The following DMD variants were observed in gnomAD, a reference collection of about 807,000 sequenced individuals.
DMD encodes dystrophin.
Under a neutral mutation model 330.1 loss-of-function variants are expected in DMD, and 63 were observed. That is an observed-to-expected ratio of 0.19 (90% CI 0.16 to 0.24). The LOEUF is 0.24. Among genes scored for constraint, DMD ranks in the 10% least tolerant of loss-of-function variants. The pLI is 1.00. For synonymous variants in DMD, 1,223 were observed against 959.8 expected, an observed-to-expected ratio of 1.27 and a Z score of -5.07; for missense variants, 3,344 against 2,684.1, an observed-to-expected ratio of 1.25 and a Z score of -5.43.
chrX:31,779,417 G>C (rs1206077454), intron 50 of DMD, among the ~76,000 whole-genome samples: 1 of 111,586 alleles, frequency 9.0e-6, no homozygotes, highest in Non-Finnish European at 1.9e-5. Context: ...GCTGGCTCTG[G>C]TATTAGCTGG....
At chrX:33,255,593 G>T (rs765603871) in intron 1 of DMD, among the ~76,000 whole-genome samples, 1 of 110,682 alleles carries the variant, frequency 9.0e-6, no homozygotes, top group African/African-American at 3.2e-5. Flanking sequence ...CAGGATATAT[G>T]TATGATTTTG....
rs2032524567 is a variant in DMD at position 31,121,456 on chromosome X, G to GTGTGTT, written c.*462_*463insAACACA. 1 of 163,523 alleles carries GTGTGTT rather than the reference G, an allele frequency of 6.1e-6. No homozygotes were observed. Among genetic ancestry groups the GTGTGTT allele is most frequent in the African/African-American group, 3.2e-5 (1 of 30,870 alleles). The allele number at this position is 163,523 out of a possible 1,213,427, so 13.5% of individuals were successfully genotyped here. A position where few individuals can be genotyped will look rare whatever the true frequency, so the allele number is the denominator to read the frequency against. ...TGTGTGTGTGTATGTGTGTGTGTGT[G>GTGTGTT]TGTTTGTTTTGTTTTTAGGGGTTTT... On this transcript the variant is annotated 3_prime_UTR_variant, in exon 79 of 79. Transcript: ENST00000357033.
intron 61 of DMD, among the ~76,000 whole-genome samples, chrX:31,332,878 A>G (rs1482767768): frequency 8.9e-6 from 1 of 112,083 alleles, no homozygotes; most frequent in Non-Finnish European, 1.9e-5. Flanking sequence ...AGTTATCAGG[A>G]TATTTATCTC....
At chrX:33,285,321 G>GTC (rs2053416049) in intron 1 of DMD, among the ~76,000 whole-genome samples, 1 of 111,351 alleles carries the variant, frequency 9.0e-6, no homozygotes, top group South Asian at 3.7e-4. Context: ...GTGTGTGTGT[G>GTC]TGTGTGTGTT....
At chrX:31,455,636 T>C (rs1038057387) in intron 59 of DMD, among the ~76,000 whole-genome samples, 6 of 112,407 alleles carry the variant, frequency 5.3e-5, no homozygotes, top group African/African-American at 1.9e-4. Context: ...TATCTATCAC[T>C]TGATTTATAT....
At chrX:33,070,850 G>A (rs781248766) in intron 1 of DMD, among the ~76,000 whole-genome samples, 88 of 107,721 alleles carry the variant, frequency 8.2e-4, no homozygotes, top group Non-Finnish European at 1.4e-3. Flanking sequence ...AATGGTGAAA[G>A]CAAATCTATC....
At chrX:32,197,946 C>T (rs923598303) in intron 44 of DMD, among the ~76,000 whole-genome samples, 1 of 111,406 alleles carries the variant, frequency 9.0e-6, no homozygotes, top group Admixed American at 9.6e-5. Flanking sequence ...TCCTATCTAA[C>T]TGAAATTTTG....
intron 30 of DMD, among the ~76,000 whole-genome samples, chrX:32,411,088 A>G (rs920331519): frequency 1.8e-5 from 2 of 111,870 alleles, no homozygotes; most frequent in African/African-American, 6.5e-5. Flanking sequence ...GGAGTTTATA[A>G]TAAAATGTTT....
At chrX:32,955,623 C>T (rs2146979814) in intron 2 of DMD, among the ~76,000 whole-genome samples, 1 of 111,578 alleles carries the variant, frequency 9.0e-6, no homozygotes, top group East Asian at 2.8e-4. Flanking sequence ...GTTCCTATGT[C>T]CTAAATGGTA....
At chrX:31,949,538 T>C (rs2095131254) in intron 45 of DMD, among the ~76,000 whole-genome samples, 2 of 111,428 alleles carry the variant, frequency 1.8e-5, no homozygotes, top group Non-Finnish European at 3.8e-5. Flanking sequence ...AGTTATTTTG[T>C]GGATATCAGA....
chrX:31,471,798 T>C (rs2067320721), intron 59 of DMD, among the ~76,000 whole-genome samples: 1 of 112,246 alleles, frequency 8.9e-6, no homozygotes, highest in African/African-American at 3.2e-5. Context: ...ACATCTCTTA[T>C]CACCAGTACA....
intron 15 of DMD, among the ~76,000 whole-genome samples, chrX:32,568,192 T>C (rs1043558516): frequency 1.8e-5 from 2 of 111,847 alleles, no homozygotes; most frequent in Non-Finnish European, 3.8e-5. Context: ...TGGTAAGCAT[T>C]ACAAAAATGA....
At chrX:33,302,636 G>A (rs148973106) in intron 1 of DMD, among the ~76,000 whole-genome samples, 74 of 110,679 alleles carry the variant, frequency 6.7e-4, no homozygotes, top group African/African-American at 2.3e-3. Context: ...TAGTATTAGC[G>A]TCACAGCAAA....
intron 62 of DMD, among the ~76,000 whole-genome samples, chrX:31,284,078 A>C (rs1417269342): frequency 8.9e-6 from 1 of 112,362 alleles, no homozygotes; most frequent in Non-Finnish European, 1.9e-5. Context: ...ACAGTTGGGC[A>C]AAATCATCTA....
chrX:32,872,170 G>A lies in DMD; in HGVS notation c.94-22350C>T, dbSNP rs180946607. Reference sequence around the variant, plus strand: ...GGCTTGTCATCCCCGATTTCTGGATGTGACTTAAGTCCCTTTAAATTTAAA... The same window carrying A: ...GGCTTGTCATCCCCGATTTCTGGATATGACTTAAGTCCCTTTAAATTTAAA... On this transcript the variant is annotated intron_variant, in intron 2 of 78. Coordinates refer to ENST00000357033, the MANE Select transcript of DMD (RefSeq NM_004006.3). 5.4e-5 allele frequency among the ~76,000 whole-genome samples: 6 copies of A among 111,491 alleles called. No homozygotes were observed. The East Asian group carries it at 1.7e-3, about 32-fold the overall frequency.
chrX:31,322,213 C>T (rs779060809), intron 62 of DMD, among the ~76,000 whole-genome samples: 7 of 111,531 alleles, frequency 6.3e-5, no homozygotes, highest in South Asian at 3.8e-4. Flanking sequence ...ACATCTTAGT[C>T]GGAAATAAAA....
In DMD at chrX:31,355,868, AAT is replaced by A. The variant is rs776253866; in HGVS notation, c.9085-7236_9085-7235del. Among the ~76,000 whole-genome samples, 16 of 65,707 alleles carry A rather than the reference AAT, an allele frequency of 2.4e-4. 1 individual carries two copies. The highest frequency in any genetic ancestry group is 8.9e-4 in the East Asian group (1 of 1,125). 57.1% of individuals were successfully genotyped at this position (65,707 alleles called of 115,157 possible). A position where few individuals can be genotyped will look rare whatever the true frequency, so the allele number is the denominator to read the frequency against. ...TCTTTTGAGTTGTAACTGAAAAAAT[AAT>A]AAAAAAAAAAAAAGTCTGAGATAAG... is the stretch of plus-strand genomic sequence containing the variant. On this transcript the variant is annotated intron_variant, in intron 60 of 78. Coordinates refer to ENST00000357033, the MANE Select transcript of DMD (RefSeq NM_004006.3).
At chrX:33,002,705 T>A (rs1283966302) in intron 2 of DMD, among the ~76,000 whole-genome samples, 1 of 107,695 alleles carries the variant, frequency 9.3e-6, no homozygotes, top group African/African-American at 3.4e-5. Flanking sequence ...GCAAAGGGAG[T>A]AGCCTCTGGT....
intron 63 of DMD, among the ~76,000 whole-genome samples, chrX:31,248,355 T>C (rs761547303): frequency 8.9e-5 from 10 of 111,830 alleles, no homozygotes; most frequent in Non-Finnish European, 1.3e-4. Context: ...CATAAACACC[T>C]GTAAACGTCG....
Sources: allele counts gnomAD v4.1 joint callset (sites outside exome capture counted in the v4.1 genomes callset), GRCh38; gene constraint gnomAD v4.1.1; transcripts MANE v1.5; gene names NCBI Gene and HGNC (gene_info 2026-07-23, HGNC 2026-07-21).